Variants in COL18A1 observed in about 807,000 individuals in gnomAD.
COL18A1 encodes collagen type XVIII alpha 1 chain.
COL18A1 carries 133 observed loss-of-function variants against 168.0 expected under a neutral mutation model. The observed-to-expected ratio is 0.79, with a 90% CI of 0.69 to 0.91. The LOEUF (loss-of-function observed/expected upper bound fraction) is 0.91, where lower values mean the gene tolerates loss of function less well. COL18A1 is among the 40% of genes least tolerant of loss of function. The pLI is 0.00. For missense variants in COL18A1, 2,126 were observed against 1,925.4 expected, an observed-to-expected ratio of 1.10 and a Z score of -1.95; for synonymous variants, 949 against 809.0, an observed-to-expected ratio of 1.17 and a Z score of -2.94.
chr21:45,439,210 C>T (rs1416102927), intron 2 of COL18A1, among the ~76,000 whole-genome samples: 1 of 152,232 alleles, frequency 6.6e-6, no homozygotes, highest in Non-Finnish European at 1.5e-5. Context: ...TGGTCATTTC[C>T]GCAACAGAAC....
At chr21:45,455,973 C>T (rs2034789340) in intron 2 of COL18A1, 3 of 1,613,060 alleles carry the variant, frequency 1.9e-6, no homozygotes, top group South Asian at 1.1e-5. Flanking sequence ...CTGGAGACTC[C>T]TGTGGGCCCC....
intron 2 of COL18A1, among the ~76,000 whole-genome samples, chr21:45,439,737 G>C (rs1000609971): frequency 1.1e-4 from 17 of 152,244 alleles, no homozygotes; most frequent in African/African-American, 4.1e-4. Flanking sequence ...GCAGCAAGCA[G>C]GGTTTGGATT....
chr21:45,495,350 C>T lies in COL18A1; in HGVS notation c.2434-8C>T, dbSNP rs367814420. 109 of 1,604,174 alleles carry T rather than the reference C, an allele frequency of 6.8e-5. 2 individuals are homozygous for T. The highest frequency in any genetic ancestry group is 5.2e-4 in the South Asian group (47 of 89,796). ...CCAGCAGTCCCCACCCCCTGTGCTC[C>T]GCCCCAGGGTCGCCCCGGGATGAAC... is the stretch of plus-strand genomic sequence containing the variant. On this transcript the variant is annotated splice_region_variant and splice_polypyrimidine_tract_variant and intron_variant, in intron 28 of 41. Coordinates refer to ENST00000651438, the MANE Select transcript of COL18A1 (RefSeq NM_001379500.1).
At chr21:45,470,690 T>C (rs1007597781) in intron 3 of COL18A1, among the ~76,000 whole-genome samples, 1 of 152,110 alleles carries the variant, frequency 6.6e-6, no homozygotes. Flanking sequence ...TTTCACCATA[T>C]TGGTCAGGCT....
In COL18A1 at chr21:45,471,204, T is replaced by A. The variant is rs1001412522; in HGVS notation, c.651+2418T>A. 2.6e-5 allele frequency among the ~76,000 whole-genome samples: 4 copies of A among 152,128 alleles called. No homozygotes were observed. The highest frequency in any genetic ancestry group is 9.7e-5 in the African/African-American group (4 of 41,420). The stretch of plus-strand genomic sequence containing the variant: ...CGTGGGTGGCGCGCTATGGGCCGTG[T>A]GCTGAGGGCTGTGTTGGTTGATCTC... On this transcript the variant is annotated intron_variant, in intron 3 of 41. Coordinates refer to ENST00000651438, the MANE Select transcript of COL18A1 (RefSeq NM_001379500.1). This position sits in a 1 kb window ranked among gnomAD's most constrained non-coding sequence, Gnocchi z 4.4.
chr21:45,504,377 G>C (rs756084687), intron 33 of COL18A1, 39 bp from the exon 34 acceptor site: 1 of 1,598,984 alleles, frequency 6.3e-7, no homozygotes, highest in Non-Finnish European at 8.5e-7. Context: ...GGCTTGTAGG[G>C]GTTCAGGGCT....
At chr21:45,455,508 G>A (rs762845756) in intron 2 of COL18A1, 17 of 1,610,802 alleles carry the variant, frequency 1.1e-5, no homozygotes, top group African/African-American at 6.7e-5. Context: ...CCCGCCGCCC[G>A]CAGCTCCAGC....
chr21:45,494,685 T>C, intron 27 of COL18A1, 114 bp downstream of exon 27: 2 of 1,513,402 alleles, frequency 1.3e-6, no homozygotes, highest in Admixed American at 3.4e-5. Context: ...ATCTCCCTAG[T>C]GCAGTTTTAA....
intron 2 of COL18A1, among the ~76,000 whole-genome samples, chr21:45,452,846 T>C (rs868522116): frequency 2.3e-5 from 3 of 128,006 alleles, no homozygotes; most frequent in East Asian, 2.3e-4. Flanking sequence ...TGTAAACATG[T>C]ATGTATGTGT....
intron 2 of COL18A1, among the ~76,000 whole-genome samples, chr21:45,421,820 G>A (rs556626464): frequency 3.3e-5 from 5 of 152,060 alleles, no homozygotes; most frequent in Admixed American, 6.6e-5. Flanking sequence ...TCAGGGCCCT[G>A]TGACAGGACA....
Position 45,456,562 on chromosome 21 carries a change from C to T in COL18A1, c.107-11680C>T, listed in dbSNP as rs191134578. ...CCCTGCCACCCTCCCTGCCAGTCTG[C>T]GGCCACCTGGGCATCTCACGCTTCT... On this transcript the variant is annotated intron_variant, in intron 2 of 41. Transcript: ENST00000651438. The T allele has an allele frequency of 2.1e-3, 3,261 of 1,546,354 alleles. 57 individuals carry two copies. The African/African-American group carries it at 0.037, about 18-fold the overall frequency.
chr21:45,502,905 A>G (rs1044219615), intron 32 of COL18A1: 1 of 152,236 alleles, frequency 6.6e-6, no homozygotes, highest in African/African-American at 2.4e-5. Context: ...AACTCTCAGG[A>G]TGAGTAAGTC....
rs146714183 is a variant in COL18A1 at position 45,472,884 on chromosome 21, C to T, written c.652-1011C>T. Among the ~76,000 whole-genome samples the T allele has an allele frequency of 4.2e-3, 643 of 152,334 alleles. 9 individuals carry two copies. Among genetic ancestry groups the T allele is most frequent in the African/African-American group, 0.015 (620 of 41,582 alleles). On this transcript the variant is annotated intron_variant, in intron 3 of 41. Coordinates refer to ENST00000651438, the MANE Select transcript of COL18A1 (RefSeq NM_001379500.1). ...GTGTCCATGCAGATGCATGCTCTCA[C>T]GCACATGTGCCCACACACTCAGCAC...
intron 2 of COL18A1, among the ~76,000 whole-genome samples, chr21:45,464,514 C>T (rs780719347): frequency 1.3e-5 from 2 of 152,252 alleles, no homozygotes; most frequent in South Asian, 4.1e-4. Flanking sequence ...TTCCTATTGG[C>T]GACTGTAAGA....
intron 16 of COL18A1, 141 bp from the exon 17 acceptor site, chr21:45,487,306 C>A: frequency 1.0e-6 from 1 of 992,828 alleles, no homozygotes; most frequent in Non-Finnish European, 1.5e-6. Context: ...GGTAGACAGT[C>A]CCCATCTGAG....
chr21:45,470,917 G>A (rs1240562079), intron 3 of COL18A1, among the ~76,000 whole-genome samples: 2 of 151,926 alleles, frequency 1.3e-5, no homozygotes, highest in African/African-American at 4.9e-5. Flanking sequence ...TCTGGCCCTG[G>A]GCTGGGGCCC....
At chr21:45,474,379 TGTG>T (rs1167628659) in intron 4 of COL18A1, among the ~76,000 whole-genome samples, 35 of 139,152 alleles carry the variant, frequency 2.5e-4, no homozygotes, top group African/African-American at 1.1e-3. Flanking sequence ...TCTTGTGTGT[TGTG>T]TGTGTTGTAT....
chr21:45,493,546 G>A lies in COL18A1; in HGVS notation c.2323G>A (p.Ala775Thr), dbSNP rs763734805. 42 of 1,558,110 alleles carry A rather than the reference G, an allele frequency of 2.7e-5. No individual in the cohort carries two copies. The highest frequency in any genetic ancestry group is 3.8e-5 in the Admixed American group (2 of 51,962). ...PGSIFSPDGG[A>T]LGPAQKGAKG... ...CAGCATCTTCAGCCCCGACGGCGGT[G>A]CCCTGGGCCCTGCCCAGAAAGGAGC... The change falls in exon 26 of 42, where the codon GCC (alanine) becomes ACC (threonine). Residue 775 changes from alanine (A) to threonine (T), a missense_variant. Physicochemically the swap from Ala to Thr is moderately conservative, Grantham distance 58. Transcript: ENST00000651438.
intron 36 of COL18A1, 151 bp downstream of exon 36, chr21:45,505,582 C>T: frequency 1.5e-6 from 1 of 679,620 alleles, no homozygotes; most frequent in South Asian, 1.6e-5. Flanking sequence ...GGGGCCAGGC[C>T]ATGGGGGAAT....
Sources: allele counts gnomAD v4.1 joint callset (sites outside exome capture counted in the v4.1 genomes callset), GRCh38; gene constraint gnomAD v4.1.1; non-coding constraint Gnocchi (gnomAD v3.1); transcripts MANE v1.5; gene names NCBI Gene and HGNC (gene_info 2026-07-23, HGNC 2026-07-21).